Variants in CTNNA3 observed in about 807,000 individuals in gnomAD.
CTNNA3 encodes the protein catenin alpha-3.
CTNNA3 carries 76 observed loss-of-function variants against 95.7 expected under a neutral mutation model. The observed-to-expected ratio is 0.79, with a 90% confidence interval of 0.66 to 0.96. The LOEUF (loss-of-function observed/expected upper bound fraction) is 0.96. Among genes scored for constraint, CTNNA3 ranks in the 40% least tolerant of loss-of-function variants. The probability of loss-of-function intolerance (pLI) is 0.00; values close to 1 mark genes in which losing one functional copy is unlikely to be tolerated. For missense variants in CTNNA3, 1,191 were observed against 1,089.8 expected, an observed-to-expected ratio of 1.09 and a Z score of -1.31; for synonymous variants, 431 against 374.4, an observed-to-expected ratio of 1.15 and a Z score of -1.74.
At chr10:67,622,895 T>C (rs980853596) in intron 2 of CTNNA3, among the ~76,000 whole-genome samples, 11 of 152,222 alleles carry the variant, frequency 7.2e-5, no homozygotes, top group African/African-American at 2.7e-4. Context: ...ACCATAAAAA[T>C]AACATCTTTA....
chr10:67,024,031 A>G (rs1020800497), intron 7 of CTNNA3, among the ~76,000 whole-genome samples: 1 of 152,252 alleles, frequency 6.6e-6, no homozygotes, highest in African/African-American at 2.4e-5. Flanking sequence ...TTAGTGGTTT[A>G]AAACAACACA....
chr10:66,223,180 C>T (rs2089064348), intron 13 of CTNNA3, among the ~76,000 whole-genome samples: 2 of 151,838 alleles, frequency 1.3e-5, no homozygotes, highest in African/African-American at 4.8e-5. Flanking sequence ...TGTTTCTGGA[C>T]ATTAGGAAAA....
intron 15 of CTNNA3, among the ~76,000 whole-genome samples, chr10:66,006,009 CTT>C (rs11415177): frequency 4.7e-4 from 55 of 115,954 alleles, no homozygotes; most frequent in South Asian, 1.5e-3. Context: ...CAAGGAAAGC[CTT>C]TTTTTTTTTT....
chr10:67,556,500 G>A (rs1259688404), intron 3 of CTNNA3, among the ~76,000 whole-genome samples: 2 of 152,048 alleles, frequency 1.3e-5, no homozygotes, highest in Non-Finnish European at 2.9e-5. Context: ...TATATGTCCA[G>A]GAATTTATCC....
intron 7 of CTNNA3, among the ~76,000 whole-genome samples, chr10:67,021,508 T>C (rs1397421920): frequency 2.6e-5 from 4 of 152,016 alleles, no homozygotes; most frequent in African/African-American, 7.2e-5. Flanking sequence ...CATTAAAAAA[T>C]CCTAGATGTC....
intron 12 of CTNNA3, among the ~76,000 whole-genome samples, chr10:66,306,222 C>A (rs532631738): frequency 1.2e-4 from 19 of 152,294 alleles, no homozygotes; most frequent in Admixed American, 9.8e-4. Context: ...GGCCATCAGC[C>A]ACCTGGATTT....
intron 9 of CTNNA3, among the ~76,000 whole-genome samples, chr10:66,658,326 C>T (rs1393123341): frequency 6.6e-6 from 1 of 151,924 alleles, no homozygotes; most frequent in African/African-American, 2.4e-5. Flanking sequence ...TCCTTTCCAG[C>T]TCTAAAATCT....
intron 10 of CTNNA3, among the ~76,000 whole-genome samples, chr10:66,619,388 A>T (rs888672854): frequency 7.1e-6 from 1 of 140,422 alleles, no homozygotes; most frequent in African/African-American, 2.5e-5. Context: ...GCCATAAAAA[A>T]TGATGAGTTC....
At chr10:67,015,777 C>G (rs57966240) in intron 7 of CTNNA3, among the ~76,000 whole-genome samples, 1 of 151,962 alleles carries the variant, frequency 6.6e-6, no homozygotes. Context: ...TCACCAATTA[C>G]GTACATGTTG....
intron 7 of CTNNA3, among the ~76,000 whole-genome samples, chr10:66,864,828 A>G (rs1589351796): frequency 6.6e-6 from 1 of 152,196 alleles, no homozygotes; most frequent in Non-Finnish European, 1.5e-5. Context: ...CCCAATATAC[A>G]TAGAAAACCT....
intron 3 of CTNNA3, among the ~76,000 whole-genome samples, chr10:67,592,003 G>A (rs1842803804): frequency 6.6e-6 from 1 of 152,128 alleles, no homozygotes; most frequent in Admixed American, 6.5e-5. Flanking sequence ...TGCCAGTTCA[G>A]CATTAGAGTC....
rs57140243 is a variant in CTNNA3 at position 67,587,193 on chromosome 10, TTGTGTGTGTGTG to T, written c.292+19652_292+19663del. ...GCATGCACCATGACACCCAGCTAAC[TTGTGTGTGTGTG>T]TGTGTGTGTGTGTGTGTGTGTGTGT... On this transcript the variant is annotated intron_variant, in intron 3 of 17. Coordinates refer to ENST00000433211, the MANE Select transcript of CTNNA3 (RefSeq NM_013266.4). Among the ~76,000 whole-genome samples, 139 of 130,152 alleles carry T rather than the reference TTGTGTGTGTGTG, an allele frequency of 1.1e-3. 1 individual carries two copies. Among genetic ancestry groups the T allele is most frequent in the Middle Eastern group, 4.0e-3 (1 of 250 alleles). The allele number at this position is 130,152 out of a possible 152,430, so 85.4% of individuals were successfully genotyped here. A position where few individuals can be genotyped will look rare whatever the true frequency, so the allele number is the denominator to read the frequency against.
At chr10:67,364,790 C>T (rs1411917751) in intron 5 of CTNNA3, among the ~76,000 whole-genome samples, 1 of 152,100 alleles carries the variant, frequency 6.6e-6, no homozygotes, top group African/African-American at 2.4e-5. Flanking sequence ...ATGAAAATGG[C>T]CATACTGCCC....
At chr10:67,633,076 G>A (rs1839198415) in intron 2 of CTNNA3, among the ~76,000 whole-genome samples, 1 of 152,142 alleles carries the variant, frequency 6.6e-6, no homozygotes, top group Non-Finnish European at 1.5e-5. Context: ...TCCAGACAAA[G>A]AAGGGTCCCC....
At chr10:67,139,093 C>G (rs1378481287) in intron 7 of CTNNA3, among the ~76,000 whole-genome samples, 1 of 151,994 alleles carries the variant, frequency 6.6e-6, no homozygotes, top group Non-Finnish European at 1.5e-5. Context: ...TGACATTATA[C>G]TTTTTCACAA....
At chr10:66,548,854 T>C (rs552507694) in intron 10 of CTNNA3, among the ~76,000 whole-genome samples, 6 of 152,176 alleles carry the variant, frequency 3.9e-5, no homozygotes, top group Admixed American at 1.3e-4. Context: ...TTGGATTTTT[T>C]TGCTAATATT....
chr10:67,231,276 T>A (rs962087216), intron 5 of CTNNA3, among the ~76,000 whole-genome samples: 6 of 152,240 alleles, frequency 3.9e-5, no homozygotes, highest in Non-Finnish European at 7.3e-5. Context: ...AATGTCCCTG[T>A]CTGACAGCTT....
chr10:67,735,373 A>G (rs994160609), intron 1 of CTNNA3, among the ~76,000 whole-genome samples: 2 of 152,144 alleles, frequency 1.3e-5, no homozygotes, highest in Non-Finnish European at 2.9e-5. Context: ...TAGTACATCA[A>G]CTCAATGGAC....
chr10:66,500,241 T>G (rs1316058759), intron 11 of CTNNA3, among the ~76,000 whole-genome samples: 1 of 152,182 alleles, frequency 6.6e-6, no homozygotes, highest in Non-Finnish European at 1.5e-5. Context: ...TAGCAAATTA[T>G]AAATTTATTT....
Sources: gnomAD v4.1 joint callset for allele counts (sites outside exome capture counted in the v4.1 genomes callset) on GRCh38, gnomAD v4.1.1 for gene constraint, MANE v1.5 for transcripts, NCBI Gene and HGNC (gene_info 2026-07-23, HGNC 2026-07-21) for gene names.